PCM1: variants seen among roughly 807,000 people sequenced by gnomAD.
PCM1 encodes the protein pericentriolar material 1 protein.
Under a neutral mutation model 241.9 loss-of-function variants are expected in PCM1, and 157 were observed. The observed-to-expected ratio is 0.65, with a 90% confidence interval of 0.57 to 0.74. The LOEUF is 0.74. Among genes scored for constraint, PCM1 ranks in the 30% least tolerant of loss-of-function variants. The probability of loss-of-function intolerance (pLI) is 0.00; values close to 1 mark genes in which losing one functional copy is unlikely to be tolerated. For missense variants in PCM1, 3,478 were observed against 2,360.1 expected, an observed-to-expected ratio of 1.47 and a Z score of -9.81; for synonymous variants, 1,085 against 784.9, an observed-to-expected ratio of 1.38 and a Z score of -6.39.
intron 13 of PCM1, 126 bp from the exon 14 acceptor site, chr8:17,959,888 A>G (rs2070845246): frequency 1.2e-6 from 1 of 824,740 alleles, no homozygotes; most frequent in African/African-American, 1.7e-5. Flanking sequence ...CATGTATACA[A>G]ACGTGCTTTC....
rs759744858 is a variant in PCM1, at chr8:18,009,579, G to C, written c.4995G>C (p.Leu1665=). The C allele has an allele frequency of 2.4e-5, 38 of 1,602,068 alleles. No individual in the cohort carries two copies. Among genetic ancestry groups the C allele is most frequent in the Non-Finnish European group, 3.2e-5 (38 of 1,173,684 alleles). ...TGGCAAAATTTGCTGGCAGAAAACT[G>C]AAAGACTGTGGAGAAGATCTTCTTG... ...DSLAKFAGRK[L]KDCGEDLLVE... is the part of the protein sequence containing the mutation. Residue 1665 remains leucine, a synonymous_variant, in exon 31 of 39, where the codon CTG becomes CTC. Transcript: ENST00000325083.
intron 36 of PCM1, among the ~76,000 whole-genome samples, chr8:18,017,538 A>C (rs1459786101): frequency 6.6e-6 from 1 of 152,212 alleles, no homozygotes; most frequent in Non-Finnish European, 1.5e-5. Context: ...GTTGGGCCAG[A>C]CTATTTCCTC....
chr8:17,929,353 G>A (rs139892959), intron 2 of PCM1, among the ~76,000 whole-genome samples: 8 of 152,212 alleles, frequency 5.3e-5, no homozygotes, highest in African/African-American at 1.9e-4. Flanking sequence ...TAATACCAGT[G>A]TATTTAAGAT....
At chr8:17,999,005 TGTG>T (rs1188539984) in intron 29 of PCM1, among the ~76,000 whole-genome samples, 3 of 151,878 alleles carry the variant, frequency 2.0e-5, no homozygotes, top group African/African-American at 4.8e-5. Context: ...TTAGTCAGCT[TGTG>T]GTGAATGCTG....
chr8:17,950,322 C>G (rs1390126568), intron 7 of PCM1, among the ~76,000 whole-genome samples: 1 of 152,160 alleles, frequency 6.6e-6, no homozygotes, highest in Non-Finnish European at 1.5e-5. Flanking sequence ...GATCTTAGAC[C>G]TGCTCCACTG....
intron 32 of PCM1, 46 bp downstream of exon 32, chr8:18,010,714 G>A (rs768013569): frequency 5.8e-6 from 8 of 1,388,926 alleles, no homozygotes; most frequent in Non-Finnish European, 8.0e-6. Flanking sequence ...TGGGCGCGGT[G>A]GCTCACCCCC....
At position 17,993,597 on chromosome 8, in the gene PCM1, A is replaced by G; in HGVS notation, c.4805A>G (p.Lys1602Arg). The G allele has an allele frequency of 6.3e-7, 1 of 1,590,214 alleles. No individual in the cohort carries two copies. The highest frequency in any genetic ancestry group is 8.6e-7 in the Non-Finnish European group (1 of 1,167,348). Residue 1602 changes from lysine (K) to arginine (R), a missense_variant, in exon 29 of 39, where the codon AAA (lysine) becomes AGA (arginine). Lys to Arg is a conservative substitution (Grantham distance 26). Coordinates refer to ENST00000325083, the MANE Select transcript of PCM1 (RefSeq NM_006197.4). ...GACCGGCAAATTAAAGCAATTATGA[A>G]AGAAGTCATTCCTTTTTTGAAGGTA... ...QLDRQIKAIM[K>R]EVIPFLKEHM... is the part of the protein sequence containing the mutation.
intron 21 of PCM1, among the ~76,000 whole-genome samples, chr8:17,968,259 A>G (rs187934981): frequency 6.6e-6 from 1 of 152,284 alleles, no homozygotes. Flanking sequence ...AGTGGCAGAG[A>G]GATTTTATGA....
At chr8:18,009,841 G>A (rs921356822) in intron 31 of PCM1, 97 bp downstream of exon 31, 3 of 785,272 alleles carry the variant, frequency 3.8e-6, no homozygotes, top group African/African-American at 1.8e-5. Context: ...CTCAGCAAAA[G>A]TAGTTGTTTT....
At chr8:18,021,135 A>C (rs990240265) in intron 36 of PCM1, among the ~76,000 whole-genome samples, 2 of 152,192 alleles carry the variant, frequency 1.3e-5, no homozygotes, top group Non-Finnish European at 2.9e-5. Flanking sequence ...AAACAACAAA[A>C]ATGGAATCTT....
chr8:18,029,498 C>CT lies in PCM1; in HGVS notation c.*1837dup, dbSNP rs2094409608. 9.3e-6 allele frequency: 2 copies of CT among 215,364 alleles called. No individual in the cohort carries two copies. The highest frequency in any genetic ancestry group is 2.3e-5 in the African/African-American group (1 of 44,358). 13.3% of individuals were successfully genotyped at this position (215,364 alleles called of 1,614,324 possible). On this transcript the variant is annotated 3_prime_UTR_variant, in exon 39 of 39. Transcript: ENST00000325083. ...AGCCTTACATACTGTGTTTCTCTCT[C>CT]TGTCTGCATGCATATTAAAGTGGAA... is the stretch of plus-strand genomic sequence containing the variant.
chr8:17,940,086 T>C (rs764380570), intron 6 of PCM1: 1 of 1,581,344 alleles, frequency 6.3e-7, no homozygotes, highest in Admixed American at 1.7e-5. Flanking sequence ...TAGATTCAGC[T>C]GTGGGATCTG....
chr8:17,974,141 A>G (rs1587474592), intron 23 of PCM1, among the ~76,000 whole-genome samples: 1 of 152,210 alleles, frequency 6.6e-6, no homozygotes, highest in Non-Finnish European at 1.5e-5. Context: ...TTTTCTGGTT[A>G]TAAAGGTTTA....
chr8:17,997,003 C>G (rs987747609), intron 29 of PCM1, among the ~76,000 whole-genome samples: 3 of 152,094 alleles, frequency 2.0e-5, no homozygotes, highest in African/African-American at 7.2e-5. Context: ...AATTTTGTAC[C>G]TTCAGACGAT....
In PCM1 at chr8:17,960,106, T is replaced by C; in HGVS notation, c.2133T>C (p.Asn711=). The C allele has an allele frequency of 6.2e-7, 1 of 1,605,162 alleles. No homozygotes were observed. The highest frequency in any genetic ancestry group is 8.5e-7 in the Non-Finnish European group (1 of 1,174,798). The change falls in exon 14 of 39, where the codon AAT becomes AAC. Residue 711 remains asparagine (N), a synonymous_variant. Coordinates refer to ENST00000325083, the MANE Select transcript of PCM1 (RefSeq NM_006197.4). The part of the protein sequence containing the change: ...PAEEDTKQNS[N]NTRGNANKTQ... Reference sequence around the variant, plus strand: ...AAGAAGACACCAAGCAAAATTCAAATAACACTAGAGGAAATGCCAATAAAA... The same window carrying C: ...AAGAAGACACCAAGCAAAATTCAAACAACACTAGAGGAAATGCCAATAAAA...
intron 22 of PCM1, 140 bp downstream of exon 22, chr8:17,969,888 G>T: frequency 3.1e-6 from 2 of 647,922 alleles, no homozygotes; most frequent in Non-Finnish European, 5.3e-6. Context: ...AAACTTTGAC[G>T]TATCAGTAGA....
chr8:17,964,603 C>T lies in PCM1; in HGVS notation c.2690C>T (p.Ala897Val), dbSNP rs2074083823. 1 of 1,613,624 alleles carries T rather than the reference C, an allele frequency of 6.2e-7. No homozygotes were observed. The highest frequency in any genetic ancestry group is 8.5e-7 in the Non-Finnish European group (1 of 1,179,814). ...ACTTGGGGAGGGTCTACCCAGTGTG[C>T]ACTAGATGAAGAAGGAGATGAAGAC... ...MATWGGSTQC[A>V]LDEEGDEDGY... The change falls in exon 18 of 39, where the codon GCA becomes GTA. Residue 897 changes from alanine to valine, a missense_variant. By Grantham distance (64) the Ala-to-Val change is moderately conservative. Transcript: ENST00000325083.
At chr8:17,952,944 C>G in intron 8 of PCM1, 26 bp from the exon 9 acceptor site, 1 of 1,412,028 alleles carries the variant, frequency 7.1e-7, no homozygotes, top group Non-Finnish European at 9.6e-7. Context: ...CTTAATTCTT[C>G]TTTTTTGTTG....
At chr8:17,966,583 T>C in intron 20 of PCM1, 110 bp downstream of exon 20, 2 of 873,910 alleles carry the variant, frequency 2.3e-6, no homozygotes, top group Non-Finnish European at 3.4e-6. Flanking sequence ...TATTTGGACA[T>C]TCTCTTTCCC....
Sources: gnomAD v4.1 joint callset for allele counts (sites outside exome capture counted in the v4.1 genomes callset) on GRCh38, gnomAD v4.1.1 for gene constraint, MANE v1.5 for transcripts, NCBI Gene and HGNC (gene_info 2026-07-23, HGNC 2026-07-21) for gene names.